Variants in LY6G6D observed in about 807,000 individuals in gnomAD.
The protein encoded by LY6G6D is lymphocyte antigen 6 family member G6D, also known as lymphocyte antigen 6 complex locus protein G6d.
In LY6G6D, 5 loss-of-function variants were observed where a neutral mutation model predicts 8.5. The observed-to-expected ratio is 0.59, with a 90% CI of 0.31 to 1.24. The LOEUF (loss-of-function observed/expected upper bound fraction) is 1.24, where lower values mean the gene tolerates loss of function less well. Among genes scored for constraint, LY6G6D ranks in the 50% most tolerant of loss-of-function variants. The pLI is 0.07. For synonymous variants in LY6G6D, 65 were observed against 69.6 expected, an observed-to-expected ratio of 0.93 and a Z score of 0.33; for missense variants, 154 against 170.4, an observed-to-expected ratio of 0.90 and a Z score of 0.53.
Position 31,716,988 on chromosome 6 carries a change from C to G in LY6G6D, c.179-593C>G, listed in dbSNP as rs529717787. Among the ~76,000 whole-genome samples, 1 of 152,080 alleles carries G rather than the reference C, an allele frequency of 6.6e-6. No individual in the cohort carries two copies. Among genetic ancestry groups the G allele is most frequent in the Non-Finnish European group, 1.5e-5 (1 of 68,006 alleles). On this transcript the variant is annotated intron_variant, in intron 2 of 2. Coordinates refer to ENST00000375825, the MANE Select transcript of LY6G6D (RefSeq NM_021246.4). The surrounding 1 kb of genome is among the most constrained non-coding windows in gnomAD (Gnocchi z 5.1). ...ATTACGTGCCGGATGCAGTGGCTCACGCCTGTAATCCCAGCACTTTGGGAG... is the reference window on the plus strand; with the variant it reads ...ATTACGTGCCGGATGCAGTGGCTCAGGCCTGTAATCCCAGCACTTTGGGAG...
chr6:31,715,950 G>GGT (rs3138769), intron 2 of LY6G6D, among the ~76,000 whole-genome samples: 5,730 of 146,986 alleles, frequency 0.039, 122 homozygotes, highest in South Asian at 0.079. Context: ...ACCAGGGAGG[G>GGT]GTGTGTGTGT....
Position 31,717,549 on chromosome 6 carries a change from G to A in LY6G6D, c.179-32G>A. ...CAGAAGGCAAGTCCTGAAGCCAGGAGTCCAACACCCCAGTTTCATTCTCTC... is the reference window on the plus strand; with the variant it reads ...CAGAAGGCAAGTCCTGAAGCCAGGAATCCAACACCCCAGTTTCATTCTCTC... On this transcript the variant is annotated intron_variant, in intron 2 of 2. Coordinates refer to ENST00000375825, the MANE Select transcript of LY6G6D (RefSeq NM_021246.4). This position sits in a 1 kb window ranked among gnomAD's most constrained non-coding sequence, Gnocchi z 5.0. 1 of 1,614,214 alleles carries A rather than the reference G, an allele frequency of 6.2e-7. No homozygotes were observed. Among genetic ancestry groups the A allele is most frequent in the Non-Finnish European group, 8.5e-7 (1 of 1,180,042 alleles).
At position 31,717,129 on chromosome 6, in the gene LY6G6D, A is replaced by G. The variant is rs1164224460; in HGVS notation, c.179-452A>G. Reference sequence around the variant, plus strand: ...GCCGGGTGTAGTGGTGCCCGCCTGTAATACCAGCTACTCGGGAACCTGAGG... The same window carrying G: ...GCCGGGTGTAGTGGTGCCCGCCTGTGATACCAGCTACTCGGGAACCTGAGG... On this transcript the variant is annotated intron_variant, in intron 2 of 2. Coordinates refer to ENST00000375825, the MANE Select transcript of LY6G6D (RefSeq NM_021246.4). This position sits in a 1 kb window ranked among gnomAD's most constrained non-coding sequence, Gnocchi z 5.0. 6.6e-6 allele frequency among the ~76,000 whole-genome samples: 1 copy of G among 152,024 alleles called. No homozygotes were observed. The highest frequency in any genetic ancestry group is 1.5e-5 in the Non-Finnish European group (1 of 67,998).
rs1209555389 is a variant in LY6G6D, at chr6:31,715,372, T to C, written c.17T>C (p.Val6Ala). 6.2e-7 allele frequency: 1 copy of C among 1,602,400 alleles called. No homozygotes were observed. Among genetic ancestry groups the C allele is most frequent in the Non-Finnish European group, 8.5e-7 (1 of 1,173,278 alleles). The change falls in exon 1 of 3, where the codon GTT (valine) becomes GCT (alanine). Residue 6 changes from valine (V) to alanine (A), a missense_variant. By Grantham distance (64) the Val-to-Ala change is moderately conservative. Transcript: ENST00000375825. MKPQF[V>A]GILLSSLLGA... ...CAGACTGCGATGAAACCCCAGTTTG[T>C]TGGGATCTTGCTCAGCTCCCTGCTA...
rs974044881 is a variant in LY6G6D, at chr6:31,716,476, G to C, written c.178+852G>C. On this transcript the variant is annotated intron_variant, in intron 2 of 2. Coordinates refer to ENST00000375825, the MANE Select transcript of LY6G6D (RefSeq NM_021246.4). This position sits in a 1 kb window ranked among gnomAD's most constrained non-coding sequence, Gnocchi z 5.1. ...ACAGATTAAAAAATTAGTTGGGTGT[G>C]GTGGCACATGCTTGTAGTCCTAGCT... Among the ~76,000 whole-genome samples the C allele has an allele frequency of 6.6e-6, 1 of 151,938 alleles. No homozygotes were observed. Among genetic ancestry groups the C allele is most frequent in the African/African-American group, 2.4e-5 (1 of 41,348 alleles).
chr6:31,717,372 T>C lies in LY6G6D; in HGVS notation c.179-209T>C. 1.7e-6 allele frequency: 2 copies of C among 1,211,254 alleles called. No individual in the cohort carries two copies. Among genetic ancestry groups the C allele is most frequent in the Non-Finnish European group, 2.3e-6 (2 of 870,694 alleles). 75.0% of individuals were successfully genotyped at this position (1,211,254 alleles called of 1,614,324 possible). On this transcript the variant is annotated intron_variant, in intron 2 of 2. Coordinates refer to ENST00000375825, the MANE Select transcript of LY6G6D (RefSeq NM_021246.4). The surrounding 1 kb of genome is among the most constrained non-coding windows in gnomAD (Gnocchi z 5.0). The stretch of plus-strand genomic sequence containing the variant: ...TGAGGTCATGCATTTTAAGCAAGAA[T>C]ACTGCAGAAGTGATGTTGCATCCTT...
intron 2 of LY6G6D, 60 bp downstream of exon 2, chr6:31,715,684 T>C: frequency 6.3e-7 from 1 of 1,590,674 alleles, no homozygotes. Context: ...CCCATGTCAA[T>C]CCTTCTGGCT....
rs777652815 is a variant in LY6G6D, at chr6:31,717,606, T to C, written c.204T>C (p.His68=). The change falls in exon 3 of 3, where the codon CAT becomes CAC. Residue 68 remains histidine (H), a synonymous_variant. Transcript: ENST00000375825. This position sits in a 1 kb window ranked among gnomAD's most constrained non-coding sequence, Gnocchi z 5.0. ...CCCCAGTGACCTTGATTCACCAACA[T>C]CCAGCCTGCGTCGCAGCCCATCATT... ...GNPPVTLIHQ[H]PACVAAHHCN... 1.2e-6 allele frequency: 2 copies of C among 1,614,148 alleles called. No homozygotes were observed. The highest frequency in any genetic ancestry group is 1.1e-5 in the South Asian group (1 of 91,080).
intron 2 of LY6G6D, 45 bp downstream of exon 2, chr6:31,715,669 C>T (rs372397314): frequency 3.7e-6 from 6 of 1,602,422 alleles, no homozygotes; most frequent in Admixed American, 1.7e-5. Context: ...TTCCCTGCCT[C>T]CAGCCCCATG....
chr6:31,715,718 T>A, intron 2 of LY6G6D, 94 bp downstream of exon 2: 2 of 1,538,174 alleles, frequency 1.3e-6, no homozygotes, highest in Non-Finnish European at 8.8e-7. Context: ...AGGCTCAGTC[T>A]GGCTCTGGGC....
In LY6G6D at chr6:31,717,867, T is replaced by C. The variant is rs1384131602; in HGVS notation, c.*63T>C. The C allele has an allele frequency of 1.2e-5, 18 of 1,540,950 alleles. No homozygotes were observed. The highest frequency in any genetic ancestry group is 1.9e-5 in the Admixed American group (1 of 51,708). ...GAACAAGGGACATCTGAACATCTAA[T>C]GTGAGAAGAGAAACATCCTTCTGTG... is the stretch of plus-strand genomic sequence containing the variant. On this transcript the variant is annotated 3_prime_UTR_variant, in exon 3 of 3. Transcript: ENST00000375825. The surrounding 1 kb of genome is among the most constrained non-coding windows in gnomAD (Gnocchi z 5.0).
chr6:31,717,570 C>T lies in LY6G6D; in HGVS notation c.179-11C>T. The T allele has an allele frequency of 5.0e-6, 8 of 1,614,206 alleles. No individual in the cohort carries two copies. Among genetic ancestry groups the T allele is most frequent in the Non-Finnish European group, 6.8e-6 (8 of 1,180,030 alleles). ...AGGAGTCCAACACCCCAGTTTCATT[C>T]TCTCTCTCAGCCCCAGTGACCTTGA... On this transcript the variant is annotated splice_polypyrimidine_tract_variant and intron_variant, in intron 2 of 2. Transcript: ENST00000375825. The surrounding 1 kb of genome is among the most constrained non-coding windows in gnomAD (Gnocchi z 5.0).
rs1207415717 is a variant in LY6G6D, at chr6:31,715,409, G to A, written c.54G>A (p.Leu18=). 1.9e-6 allele frequency: 3 copies of A among 1,605,836 alleles called. No individual in the cohort carries two copies. The highest frequency in any genetic ancestry group is 2.2e-5 in the East Asian group (1 of 44,722). Residue 18 remains leucine (L), a splice_region_variant and synonymous_variant, in exon 1 of 3, where the codon TTG becomes TTA. Coordinates refer to ENST00000375825, the MANE Select transcript of LY6G6D (RefSeq NM_021246.4). ...TCAGCTCCCTGCTAGGGGCTGCCTTGGGTAAGGAGGCGGCCAGCTAGCTTC... is the reference window on the plus strand; with the variant it reads ...TCAGCTCCCTGCTAGGGGCTGCCTTAGGTAAGGAGGCGGCCAGCTAGCTTC... ...ILLSSLLGAA[L]GNRMRCYNCG...
rs1376114167 is a variant in LY6G6D, at chr6:31,716,420, C to T, written c.178+796C>T. The stretch of plus-strand genomic sequence containing the variant: ...CCTGGGCAACATAGGGAGACCCTGT[C>T]TCTACAAAAAACAAACAAACAAACA... On this transcript the variant is annotated intron_variant, in intron 2 of 2. Transcript: ENST00000375825. The surrounding 1 kb of genome is among the most constrained non-coding windows in gnomAD (Gnocchi z 5.1). Among the ~76,000 whole-genome samples the T allele has an allele frequency of 6.6e-6, 1 of 151,276 alleles. No individual in the cohort carries two copies. Among genetic ancestry groups the T allele is most frequent in the East Asian group, 2.0e-4 (1 of 5,106 alleles).
chr6:31,715,430 G>T lies in LY6G6D; in HGVS notation c.55+20G>T. 4 of 1,605,644 alleles carry T rather than the reference G, an allele frequency of 2.5e-6. No homozygotes were observed. Among genetic ancestry groups the T allele is most frequent in the Non-Finnish European group, 3.4e-6 (4 of 1,174,566 alleles). ...CCTTGGGTAAGGAGGCGGCCAGCTA[G>T]CTTCTCACACAGGCCTTCTGCCAGC... On this transcript the variant is annotated intron_variant, in intron 1 of 2. Transcript: ENST00000375825.
Position 31,717,475 on chromosome 6 carries a change from G to A in LY6G6D, c.179-106G>A, listed in dbSNP as rs745736493. 6.2e-7 allele frequency: 1 copy of A among 1,609,610 alleles called. No individual in the cohort carries two copies. Among genetic ancestry groups the A allele is most frequent in the Non-Finnish European group, 8.5e-7 (1 of 1,177,986 alleles). ...TTGGTTTCAGGGAGGTGTTTTTTGA[G>A]GGGGCTGAAAATCCCTTTGGGCTCC... On this transcript the variant is annotated intron_variant, in intron 2 of 2. Coordinates refer to ENST00000375825, the MANE Select transcript of LY6G6D (RefSeq NM_021246.4). This position sits in a 1 kb window ranked among gnomAD's most constrained non-coding sequence, Gnocchi z 5.0.
Position 31,717,315 on chromosome 6 carries a change from A to T in LY6G6D, c.179-266A>T, listed in dbSNP as rs371247826. 5,123 of 662,194 alleles carry T rather than the reference A, an allele frequency of 7.7e-3. 226 individuals are homozygous for T. In the South Asian group the frequency reaches 0.083, roughly 11 times the overall value. 41.0% of individuals were successfully genotyped at this position (662,194 alleles called of 1,614,324 possible). ...ATTATTTTATAGAATGTCCCTCGAT[A>T]TTTATTTATCTGATATTTGCCATGA... On this transcript the variant is annotated intron_variant, in intron 2 of 2. Coordinates refer to ENST00000375825, the MANE Select transcript of LY6G6D (RefSeq NM_021246.4). The surrounding 1 kb of genome is among the most constrained non-coding windows in gnomAD (Gnocchi z 5.0).
chr6:31,717,013 G>A lies in LY6G6D; in HGVS notation c.179-568G>A, dbSNP rs12524467. ...CGCCTGTAATCCCAGCACTTTGGGA[G>A]GCCAAGGCGGGTGGATAACCTGAGG... is the stretch of plus-strand genomic sequence containing the variant. On this transcript the variant is annotated intron_variant, in intron 2 of 2. Coordinates refer to ENST00000375825, the MANE Select transcript of LY6G6D (RefSeq NM_021246.4). This position sits in a 1 kb window ranked among gnomAD's most constrained non-coding sequence, Gnocchi z 5.0. Among the ~76,000 whole-genome samples the A allele has an allele frequency of 0.035, 5,307 of 152,252 alleles. 249 individuals are homozygous for A. Among genetic ancestry groups the A allele is most frequent in the Admixed American group, 0.13 (1,988 of 15,294 alleles).
In LY6G6D at chr6:31,716,379, C is replaced by T. The variant is rs1191491750; in HGVS notation, c.178+755C>T. ...CCAAGGTGGGAGGACCACTTGAGCC[C>T]AAGAGTTGAGACCAGCCTGGGCAAC... is the stretch of plus-strand genomic sequence containing the variant. On this transcript the variant is annotated intron_variant, in intron 2 of 2. Transcript: ENST00000375825. This position sits in a 1 kb window ranked among gnomAD's most constrained non-coding sequence, Gnocchi z 5.1. Among the ~76,000 whole-genome samples, 5 of 152,022 alleles carry T rather than the reference C, an allele frequency of 3.3e-5. No homozygotes were observed. The highest frequency in any genetic ancestry group is 9.7e-5 in the African/African-American group (4 of 41,348).
Sources: gnomAD v4.1 joint callset for allele counts (sites outside exome capture counted in the v4.1 genomes callset) on GRCh38, gnomAD v4.1.1 for gene constraint, Gnocchi (gnomAD v3.1) non-coding constraint, MANE v1.5 for transcripts, NCBI Gene and HGNC (gene_info 2026-07-23, HGNC 2026-07-21) for gene names.